Variants in GNA12 observed in about 807,000 individuals in gnomAD.
GNA12 encodes guanine nucleotide-binding protein subunit alpha-12.
Under a neutral mutation model 26.0 loss-of-function variants are expected in GNA12, and 9 were observed. The ratio of observed to expected loss-of-function variants is 0.35; its 90% CI spans 0.21 to 0.60. The LOEUF (loss-of-function observed/expected upper bound fraction) is 0.60, where lower values mean the gene tolerates loss of function less well. Among genes scored for constraint, GNA12 ranks in the 20% least tolerant of loss-of-function variants. The probability of loss-of-function intolerance (pLI) is 0.78; values close to 1 mark genes in which losing one functional copy is unlikely to be tolerated. For missense variants in GNA12, 405 were observed against 525.8 expected (o/e 0.77, Z 2.25); for synonymous variants, 264 against 219.6 (o/e 1.20, Z -1.79).
chr7:2,757,436 A>G (rs1184971436), intron 2 of GNA12, among the ~76,000 whole-genome samples: 1 of 152,050 alleles, frequency 6.6e-6, no homozygotes, highest in Non-Finnish European at 1.5e-5. Context: ...AAGTGAGGGC[A>G]CCCCTAGGAG....
At chr7:2,743,751 G>A (rs908513878) in intron 2 of GNA12, among the ~76,000 whole-genome samples, 1 of 152,186 alleles carries the variant, frequency 6.6e-6, no homozygotes, top group African/African-American at 2.4e-5. Flanking sequence ...AGCGCAAGGG[G>A]TCAGGGAATT....
At chr7:2,761,553 T>C (rs1199303303) in intron 2 of GNA12, among the ~76,000 whole-genome samples, 3 of 152,232 alleles carry the variant, frequency 2.0e-5, no homozygotes, top group African/African-American at 7.2e-5. Context: ...CCCTCCAGAA[T>C]TGTCACTACC....
At chr7:2,814,775 TAGAAAGG>T in intron 1 of GNA12, 1 of 1,096,608 alleles carries the variant, frequency 9.1e-7, no homozygotes, top group Middle Eastern at 2.3e-4. Flanking sequence ...ACACACATCC[TAGAAAGG>T]GTTCCCTGAC....
At position 2,742,214 on chromosome 7, in the gene GNA12, G is replaced by A. The variant is rs1790542238; in HGVS notation, c.526-8713C>T. ...TTTTTGTATTTTTACTACAGACAGG[G>A]TTTTGCCCCATTTTGGCCAGGCTGG... On this transcript the variant is annotated intron_variant, in intron 2 of 3. Coordinates refer to ENST00000275364, the MANE Select transcript of GNA12 (RefSeq NM_007353.3). Among the ~76,000 whole-genome samples the A allele has an allele frequency of 2.0e-5, 3 of 151,816 alleles. No homozygotes were observed. In the South Asian group the frequency reaches 6.3e-4, roughly 32 times the overall value.
chr7:2,818,611 A>C (rs1422587737), intron 1 of GNA12, among the ~76,000 whole-genome samples: 4 of 152,092 alleles, frequency 2.6e-5, no homozygotes, highest in Non-Finnish European at 4.4e-5. Flanking sequence ...AAAAATACAA[A>C]CAATATTTGG....
intron 2 of GNA12, among the ~76,000 whole-genome samples, chr7:2,760,791 C>G (rs1050109336): frequency 6.6e-6 from 1 of 152,234 alleles, no homozygotes; most frequent in Non-Finnish European, 1.5e-5. Flanking sequence ...ACTGCTGGAC[C>G]GTCCCAGCTG....
chr7:2,836,486 G>A (rs1778841704), intron 1 of GNA12, among the ~76,000 whole-genome samples: 2 of 152,200 alleles, frequency 1.3e-5, no homozygotes, highest in Admixed American at 6.5e-5. Flanking sequence ...TACCCAGGAT[G>A]GGCGCTGCAG....
chr7:2,733,109 G>T (rs1284297641), intron 3 of GNA12, among the ~76,000 whole-genome samples: 1 of 152,160 alleles, frequency 6.6e-6, no homozygotes, highest in Non-Finnish European at 1.5e-5. Flanking sequence ...AAACAAGACT[G>T]GTAATCAGTG....
At chr7:2,836,682 G>A (rs1260163131) in intron 1 of GNA12, among the ~76,000 whole-genome samples, 1 of 152,126 alleles carries the variant, frequency 6.6e-6, no homozygotes, top group East Asian at 1.9e-4. Flanking sequence ...CCAGCACTTT[G>A]GGAGGCCGAG....
chr7:2,737,421 T>A (rs1380416611), intron 2 of GNA12, among the ~76,000 whole-genome samples: 1 of 151,816 alleles, frequency 6.6e-6, no homozygotes, highest in African/African-American at 2.4e-5. Flanking sequence ...ACAGAGTAGT[T>A]GGGACTACAG....
Position 2,731,243 on chromosome 7 carries a change from C to G in GNA12, c.1084G>C (p.Val362Leu). ...ATGGTGTCTTTCACAGCATGGAACA[C>G]GAAGCGGACGTTCTCGGTGTCGATG... Reference protein sequence around the residue: ...TAIDTENVRFVFHAVKDTILQ... With the variant: ...TAIDTENVRFLFHAVKDTILQ... The change falls in exon 4 of 4, where the codon GTG (valine) becomes CTG (leucine). Residue 362 changes from valine (V) to leucine (L), a missense_variant. Transcript: ENST00000275364. This position sits in a 1 kb window ranked among gnomAD's most constrained non-coding sequence, Gnocchi z 6.0. 1 of 1,613,652 alleles carries G rather than the reference C, an allele frequency of 6.2e-7. No individual in the cohort carries two copies. The highest frequency in any genetic ancestry group is 8.5e-7 in the Non-Finnish European group (1 of 1,179,890).
In GNA12 at chr7:2,843,800, G is replaced by A; in HGVS notation, c.309+53C>T. 3.7e-6 allele frequency: 4 copies of A among 1,066,972 alleles called. No individual in the cohort carries two copies. The South Asian group carries it at 5.9e-5, about 16-fold the overall frequency. The allele number at this position is 1,066,972 out of a possible 1,614,324, so 66.1% of individuals were successfully genotyped here. On this transcript the variant is annotated intron_variant, in intron 1 of 3. Transcript: ENST00000275364. ...GACCACGGAGGGGCCCGGGGCGGGG[G>A]TTAGCGCCCCGGCCCACCTGGGTGC...
At chr7:2,734,501 G>A (rs940716957) in intron 2 of GNA12, among the ~76,000 whole-genome samples, 1 of 152,186 alleles carries the variant, frequency 6.6e-6, no homozygotes, top group African/African-American at 2.4e-5. Flanking sequence ...GCTGACGCAG[G>A]AGAATTTTAA....
rs1789802799 is a variant in GNA12 at position 2,729,928 on chromosome 7, G to A, written c.*1253C>T. 6.6e-6 allele frequency: 1 copy of A among 152,346 alleles called. No homozygotes were observed. The allele number at this position is 152,346 out of a possible 1,614,324, so 9.4% of individuals were successfully genotyped here. On this transcript the variant is annotated 3_prime_UTR_variant, in exon 4 of 4. Transcript: ENST00000275364. ...TGGCCAGCTCGTATCAACATTCACAGGCTCCCGCGGGCTCCCCCAGGACAG... is the reference window on the plus strand; with the variant it reads ...TGGCCAGCTCGTATCAACATTCACAAGCTCCCGCGGGCTCCCCCAGGACAG...
chr7:2,778,023 C>T (rs1403642095), intron 2 of GNA12, among the ~76,000 whole-genome samples: 2 of 152,222 alleles, frequency 1.3e-5, no homozygotes, highest in African/African-American at 4.8e-5. Flanking sequence ...ATCACAACTG[C>T]ACTCACATCA....
At chr7:2,835,719 C>A (rs1778818827) in intron 1 of GNA12, 3 of 968,136 alleles carry the variant, frequency 3.1e-6, no homozygotes, top group South Asian at 1.3e-5. Context: ...CAAGTAGAAT[C>A]ACAGAGCTGA....
At chr7:2,744,482 C>A (rs1790670175) in intron 2 of GNA12, among the ~76,000 whole-genome samples, 1 of 152,164 alleles carries the variant, frequency 6.6e-6, no homozygotes, top group African/African-American at 2.4e-5. Flanking sequence ...GGAAAACTAA[C>A]AAACAGGAAG....
At chr7:2,839,234 A>G (rs1308190865) in intron 1 of GNA12, among the ~76,000 whole-genome samples, 2 of 144,102 alleles carry the variant, frequency 1.4e-5, no homozygotes, top group South Asian at 4.3e-4. Context: ...ACAACAGGAA[A>G]ATCTTTTCTT....
chr7:2,750,894 G>C (rs569758938), intron 2 of GNA12, among the ~76,000 whole-genome samples: 2 of 152,178 alleles, frequency 1.3e-5, no homozygotes, highest in African/African-American at 4.8e-5. Flanking sequence ...ATGAGGGTGC[G>C]AATGGAAAGG....
Sources: gnomAD v4.1 joint callset for allele counts (sites outside exome capture counted in the v4.1 genomes callset) on GRCh38, gnomAD v4.1.1 for gene constraint, Gnocchi (gnomAD v3.1) non-coding constraint, MANE v1.5 for transcripts, NCBI Gene and HGNC (gene_info 2026-07-23, HGNC 2026-07-21) for gene names.